Variants in PTPRH observed in about 807,000 individuals in gnomAD.
The protein encoded by PTPRH is receptor-type tyrosine-protein phosphatase H.
A neutral mutation model predicts 130.2 loss-of-function variants in PTPRH; 113 were observed. That is an observed-to-expected ratio of 0.87 (90% CI 0.75 to 1.01). The LOEUF is 1.01. PTPRH is among the 50% of genes least tolerant of loss of function. The pLI is 0.00. For synonymous variants in PTPRH, 556 were observed against 577.9 expected, an observed-to-expected ratio of 0.96 and a Z score of 0.54; for missense variants, 1,430 against 1,425.0, an observed-to-expected ratio of 1.00 and a Z score of -0.06.
chr19:55,192,962 C>T (rs2086584898), intron 10 of PTPRH, among the ~76,000 whole-genome samples: 1 of 151,878 alleles, frequency 6.6e-6, no homozygotes, highest in Non-Finnish European at 1.5e-5. Flanking sequence ...GGCATGGTGG[C>T]TCACCCCTGT....
intron 8 of PTPRH, among the ~76,000 whole-genome samples, chr19:55,197,709 T>C (rs901680507): frequency 6.6e-6 from 1 of 152,128 alleles, no homozygotes; most frequent in Non-Finnish European, 1.5e-5. Flanking sequence ...GGCTATGGAT[T>C]CTCTGTATCG....
rs2086168436 is a variant in PTPRH, at chr19:55,181,434, A to T, written c.*320T>A. ...TTGGTCCTCAAGTAGCCAGAACTCC[A>T]GACCCAAATTCCTTCCTGCCTCAGA... On this transcript the variant is annotated 3_prime_UTR_variant, in exon 20 of 20. Coordinates refer to ENST00000376350, the MANE Select transcript of PTPRH (RefSeq NM_002842.5). 3.5e-6 allele frequency: 1 copy of T among 288,436 alleles called. No individual in the cohort carries two copies. Among genetic ancestry groups the T allele is most frequent in the Admixed American group, 4.6e-5 (1 of 21,840 alleles). The allele number at this position is 288,436 out of a possible 1,614,324, so 17.9% of individuals were successfully genotyped here. A position where few individuals can be genotyped will look rare whatever the true frequency, so the allele number is the denominator to read the frequency against.
In PTPRH at chr19:55,205,539, C is replaced by G; in HGVS notation, c.406G>C (p.Ala136Pro). The G allele has an allele frequency of 6.2e-7, 1 of 1,614,230 alleles. No homozygotes were observed. Among genetic ancestry groups the G allele is most frequent in the Non-Finnish European group, 8.5e-7 (1 of 1,180,048 alleles). Residue 136 changes from alanine (A) to proline (P), a missense_variant, in exon 4 of 20, where the codon GCC (alanine) becomes CCC (proline). Ala to Pro is a conservative substitution (Grantham distance 27, BLOSUM62 -1). Transcript: ENST00000376350. ...RVEAQTNSSI[A>P]LTWEVPDGPD... is the part of the protein sequence containing the mutation. ...CCGTCGGGGACCTCCCAGGTCAGGG[C>G]GATGGAGCTGTTGGTCTGAGCCTCC...
At chr19:55,187,361 GAAAAAAAGAAA>G (rs879238340) in intron 14 of PTPRH, 141 bp downstream of exon 14, 5,985 of 222,050 alleles carry the variant, frequency 0.027, 704 homozygotes, top group South Asian at 0.075. Flanking sequence ...AAAAAAAAAA[GAAAAAAAGAAA>G]AAAAAAAAAG....
rs1332576367 is a variant in PTPRH, at chr19:55,209,311, G to A, written c.51+72C>T. ...CTACTTCCTCAAGATCGAGGTGCAG[G>A]CACCCAGCTCCTTCTCCCTCAGACC... On this transcript the variant is annotated intron_variant, in intron 1 of 19. Coordinates refer to ENST00000376350, the MANE Select transcript of PTPRH (RefSeq NM_002842.5). This position sits in a 1 kb window ranked among gnomAD's most constrained non-coding sequence, Gnocchi z 4.1. The A allele has an allele frequency of 2.3e-6, 3 of 1,323,636 alleles. No individual in the cohort carries two copies. The highest frequency in any genetic ancestry group is 3.9e-5 in the Admixed American group (2 of 50,690). 82.0% of individuals were successfully genotyped at this position (1,323,636 alleles called of 1,614,324 possible).
At chr19:55,189,183 G>T (rs2086452221) in intron 12 of PTPRH, among the ~76,000 whole-genome samples, 1 of 151,928 alleles carries the variant, frequency 6.6e-6, no homozygotes, top group South Asian at 2.1e-4. Context: ...ACGGGGTTTT[G>T]CCATGTTGAT....
At chr19:55,184,138 G>GC (rs944175395) in intron 18 of PTPRH, among the ~76,000 whole-genome samples, 13 of 151,676 alleles carry the variant, frequency 8.6e-5, no homozygotes, top group Admixed American at 6.6e-5. Flanking sequence ...TACAAAATTA[G>GC]CCGGGCGTGG....
At chr19:55,187,073 C>T (rs534397180) in intron 14 of PTPRH, among the ~76,000 whole-genome samples, 10 of 148,140 alleles carry the variant, frequency 6.8e-5, no homozygotes, top group African/African-American at 2.5e-4. Context: ...GGGCCGGGCG[C>T]AGTGGCTCAC....
chr19:55,183,408 C>T (rs1446825279), intron 18 of PTPRH, among the ~76,000 whole-genome samples: 1 of 148,348 alleles, frequency 6.7e-6, no homozygotes, highest in South Asian at 2.2e-4. Context: ...CCGTCCCCCA[C>T]AAAAATAAAT....
chr19:55,186,381 G>A (rs1464073132), intron 15 of PTPRH, 22 bp from the exon 16 acceptor site: 3 of 1,609,618 alleles, frequency 1.9e-6, no homozygotes, highest in African/African-American at 1.4e-5. Flanking sequence ...AGGCAGGCGG[G>A]TCAGGGGGGC....
Position 55,206,793 on chromosome 19 carries a change from T to C in PTPRH, c.248A>G (p.Asn83Ser), listed in dbSNP as rs764680105. The part of the protein sequence containing the change: ...TTETRNTTAT[N>S]VTVDGLGPGS... The stretch of plus-strand genomic sequence containing the variant: ...GGGTCCAAGGCCATCCACGGTGACG[T>C]TGGTGGCTGTTGTGTTTCGAGTCTC... The change falls in exon 3 of 20, where the codon AAC becomes AGC. Residue 83 changes from asparagine (N) to serine (S), a missense_variant. Physicochemically the swap from Asn to Ser is conservative, Grantham distance 46. Transcript: ENST00000376350. The C allele has an allele frequency of 7.4e-6, 12 of 1,614,038 alleles. No individual in the cohort carries two copies. Among genetic ancestry groups the C allele is most frequent in the African/African-American group, 5.3e-5 (4 of 74,904 alleles).
intron 12 of PTPRH, among the ~76,000 whole-genome samples, chr19:55,189,568 C>A (rs116691012): frequency 2.0e-3 from 304 of 152,340 alleles, no homozygotes; most frequent in African/African-American, 7.0e-3. Context: ...GCGCCCATCC[C>A]TGTCCTGGGA....
chr19:55,201,739 A>G (rs1336875351), intron 6 of PTPRH, among the ~76,000 whole-genome samples: 1 of 152,228 alleles, frequency 6.6e-6, no homozygotes, highest in Non-Finnish European at 1.5e-5. Context: ...CCCCACTCAC[A>G]GTATCTAATT....
At chr19:55,188,196 A>G (rs768279842) in intron 12 of PTPRH, 28 bp from the exon 13 acceptor site, 2 of 1,573,610 alleles carry the variant, frequency 1.3e-6, no homozygotes, top group Admixed American at 1.7e-5. Flanking sequence ...GCAGGGAGAA[A>G]AGACCGTAAC....
chr19:55,187,890 C>T (rs1020596600), intron 13 of PTPRH, among the ~76,000 whole-genome samples, 188 bp downstream of exon 13: 2 of 151,892 alleles, frequency 1.3e-5, no homozygotes, highest in African/African-American at 4.8e-5. Context: ...TTAGGACTGA[C>T]CCACCATTAT....
In PTPRH at chr19:55,185,953, G is replaced by A. The variant is rs761395502; in HGVS notation, c.2810C>T (p.Ser937Leu). 15 of 1,613,884 alleles carry A rather than the reference G, an allele frequency of 9.3e-6. No individual in the cohort carries two copies. In the South Asian group the frequency reaches 1.1e-4, roughly 12 times the overall value. Reference protein sequence around the residue: ...VKCEHYWPLDSQPCTHGHLRV... With the variant: ...VKCEHYWPLDLQPCTHGHLRV... ...CAGGTGCCCATGGGTGCAGGGCTGC[G>A]AGTCCAGAGGCCAGTAATGCTCACA... The change falls in exon 17 of 20, where the codon TCG becomes TTG. Residue 937 changes from serine to leucine, a missense_variant. Coordinates refer to ENST00000376350, the MANE Select transcript of PTPRH (RefSeq NM_002842.5).
Position 55,196,688 on chromosome 19 carries a change from C to T in PTPRH, c.2091G>A (p.Glu697=). ...AGCCCCGCTGTCCTCCCACCTCCAA[C>T]TCAAAGGCCTCGTAGCCTCCCTGGG... ...SCPQGGYEAF[E]LEVGGQRGSQ... Residue 697 remains glutamate, a synonymous_variant, in exon 10 of 20, where the codon GAG becomes GAA. Coordinates refer to ENST00000376350, the MANE Select transcript of PTPRH (RefSeq NM_002842.5). The T allele has an allele frequency of 1.2e-6, 2 of 1,614,122 alleles. No individual in the cohort carries two copies. The highest frequency in any genetic ancestry group is 1.7e-6 in the Non-Finnish European group (2 of 1,180,034).
At chr19:55,207,024 C>A in intron 2 of PTPRH, 69 bp from the exon 3 acceptor site, 1 of 1,550,112 alleles carries the variant, frequency 6.5e-7, no homozygotes, top group Non-Finnish European at 8.7e-7. Context: ...AACCCCTGAG[C>A]TCACGCCCCA....
Position 55,182,176 on chromosome 19 carries a change from G to T in PTPRH, c.3063-25C>A, listed in dbSNP as rs376457766. 3.6e-5 allele frequency: 58 copies of T among 1,610,370 alleles called. No homozygotes were observed. In the African/African-American group the frequency reaches 7.2e-4, roughly 20 times the overall value. On this transcript the variant is annotated intron_variant, in intron 18 of 19. Coordinates refer to ENST00000376350, the MANE Select transcript of PTPRH (RefSeq NM_002842.5). Reference sequence around the variant, plus strand: ...ACTAGGCAGAACAAGGGAAGGGTCAGACCAAGGGGCAGGAGTGTGAGGGTC... The same window carrying T: ...ACTAGGCAGAACAAGGGAAGGGTCATACCAAGGGGCAGGAGTGTGAGGGTC...
Sources: allele counts gnomAD v4.1 joint callset (sites outside exome capture counted in the v4.1 genomes callset), GRCh38; gene constraint gnomAD v4.1.1; non-coding constraint Gnocchi (gnomAD v3.1); transcripts MANE v1.5; gene names NCBI Gene and HGNC (gene_info 2026-07-23, HGNC 2026-07-21).